ATP8A2: variants seen among roughly 807,000 people sequenced by gnomAD.
The protein encoded by ATP8A2 is phospholipid-transporting ATPase IB.
In ATP8A2, 100 loss-of-function variants were observed where a neutral mutation model predicts 165.6. The observed-to-expected ratio is 0.60, with a 90% CI of 0.51 to 0.71. The LOEUF (loss-of-function observed/expected upper bound fraction) is 0.71, where lower values mean the gene tolerates loss of function less well. ATP8A2 is among the 30% of genes least tolerant of loss of function. ATP8A2 has a pLI of 0.00. For missense variants in ATP8A2, 1,227 were observed against 1,479.5 expected, an observed-to-expected ratio of 0.83 and a Z score of 2.80; for synonymous variants, 543 against 548.8, an observed-to-expected ratio of 0.99 and a Z score of 0.15.
rs150947348 is a variant in ATP8A2, at chr13:25,382,985, G to A, written c.76+10697G>A. On this transcript the variant is annotated intron_variant, in intron 1 of 36. Transcript: ENST00000381655. ...TTAGCCAGGATGGTCTCCATCTCCT[G>A]ACTTCGTGATCTGCCCACCTTGGCC... Among the ~76,000 whole-genome samples, 1,351 of 148,096 alleles carry A rather than the reference G, an allele frequency of 9.1e-3. 26 individuals carry two copies. The highest frequency in any genetic ancestry group is 0.032 in the African/African-American group (1,290 of 39,996).
At chr13:25,693,316 A>T (rs1232168878) in intron 24 of ATP8A2, among the ~76,000 whole-genome samples, 2 of 152,188 alleles carry the variant, frequency 1.3e-5, no homozygotes, top group Admixed American at 6.5e-5. Flanking sequence ...CACAGAAGGG[A>T]CCTATGTTCC....
At chr13:25,639,235 C>G (rs1411041080) in intron 24 of ATP8A2, among the ~76,000 whole-genome samples, 1 of 152,172 alleles carries the variant, frequency 6.6e-6, no homozygotes, top group African/African-American at 2.4e-5. Flanking sequence ...ATGACAGGAT[C>G]AAATTCACAC....
chr13:25,557,388 C>A (rs1191457836), intron 13 of ATP8A2, among the ~76,000 whole-genome samples: 1 of 151,948 alleles, frequency 6.6e-6, no homozygotes, highest in Non-Finnish European at 1.5e-5. Context: ...TTCTCTCATT[C>A]TAGAATGGCT....
At chr13:25,576,679 A>G (rs922622042) in intron 19 of ATP8A2, among the ~76,000 whole-genome samples, 14 of 152,306 alleles carry the variant, frequency 9.2e-5, no homozygotes, top group African/African-American at 3.1e-4. Context: ...AAGTGGATCT[A>G]TACTGAGTCT....
chr13:25,898,439 G>C (rs1005824454), intron 33 of ATP8A2, among the ~76,000 whole-genome samples: 1 of 152,218 alleles, frequency 6.6e-6, no homozygotes, highest in Non-Finnish European at 1.5e-5. Flanking sequence ...CGCCCCTACT[G>C]GGGGGTGCCT....
intron 1 of ATP8A2, among the ~76,000 whole-genome samples, chr13:25,459,671 T>C (rs1322956135): frequency 6.6e-6 from 1 of 152,022 alleles, no homozygotes; most frequent in Non-Finnish European, 1.5e-5. Context: ...GATGCCTGAG[T>C]GACAGGAAGA....
At chr13:25,851,591 A>G (rs1593448556) in intron 30 of ATP8A2, among the ~76,000 whole-genome samples, 1 of 152,138 alleles carries the variant, frequency 6.6e-6, no homozygotes, top group African/African-American at 2.4e-5. Flanking sequence ...TCAAAAAAAA[A>G]AAAAAAATTA....
chr13:25,925,347 ACAT>A lies in ATP8A2; in HGVS notation c.3184-36227_3184-36225del, dbSNP rs540659792. ...CAGGAGATCGAGACCATCCTGGCTA[ACAT>A]GGTGAAACCCCATCTCTACTAAAAA... is the stretch of plus-strand genomic sequence containing the variant. On this transcript the variant is annotated intron_variant, in intron 33 of 36. Coordinates refer to ENST00000381655, the MANE Select transcript of ATP8A2 (RefSeq NM_016529.6). Among the ~76,000 whole-genome samples the A allele has an allele frequency of 2.0e-5, 3 of 152,246 alleles. No homozygotes were observed. The South Asian group carries it at 6.2e-4, about 32-fold the overall frequency.
intron 26 of ATP8A2, among the ~76,000 whole-genome samples, chr13:25,770,453 A>T (rs1404470703): frequency 6.6e-6 from 1 of 152,136 alleles, no homozygotes; most frequent in Non-Finnish European, 1.5e-5. Context: ...TCCCTGACTG[A>T]TCAGCATTCC....
At chr13:25,394,732 TCCCCTATCTGG>T (rs1312404696) in intron 1 of ATP8A2, among the ~76,000 whole-genome samples, 1 of 152,160 alleles carries the variant, frequency 6.6e-6, no homozygotes, top group Non-Finnish European at 1.5e-5. Flanking sequence ...TTACTGTCCT[TCCCCTATCTGG>T]CTAAAAACAG....
Position 25,861,964 on chromosome 13 carries a change from T to A in ATP8A2, c.3076-337T>A, listed in dbSNP as rs7325587. Among the ~76,000 whole-genome samples the A allele has an allele frequency of 4.7e-3, 716 of 152,308 alleles. 4 individuals are homozygous for A. The highest frequency in any genetic ancestry group is 0.016 in the African/African-American group (680 of 41,560). ...GCCACTCTGTTACCAGATTAATGAGTCCTTGTTGTATACAGCCGCAGGTTG... is the reference window on the plus strand; with the variant it reads ...GCCACTCTGTTACCAGATTAATGAGACCTTGTTGTATACAGCCGCAGGTTG... On this transcript the variant is annotated intron_variant, in intron 32 of 36. Coordinates refer to ENST00000381655, the MANE Select transcript of ATP8A2 (RefSeq NM_016529.6).
intron 33 of ATP8A2, among the ~76,000 whole-genome samples, chr13:25,916,023 T>C (rs1954258983): frequency 1.3e-5 from 2 of 152,250 alleles, no homozygotes; most frequent in African/African-American, 4.8e-5. Context: ...TAGTGCAGTC[T>C]CAATCCTATT....
At chr13:25,545,362 T>C (rs1026891248) in intron 10 of ATP8A2, among the ~76,000 whole-genome samples, 5 of 152,140 alleles carry the variant, frequency 3.3e-5, no homozygotes, top group Non-Finnish European at 7.3e-5. Flanking sequence ...AAGTTTATTG[T>C]TTCTGAGCGG....
At chr13:25,684,670 A>G (rs2042564238) in intron 24 of ATP8A2, among the ~76,000 whole-genome samples, 1 of 152,216 alleles carries the variant, frequency 6.6e-6, no homozygotes, top group Non-Finnish European at 1.5e-5. Context: ...CCTCCTCTCC[A>G]AGAAAATCTA....
At chr13:25,872,830 A>G (rs1289420597) in intron 33 of ATP8A2, among the ~76,000 whole-genome samples, 5 of 152,196 alleles carry the variant, frequency 3.3e-5, no homozygotes, top group African/African-American at 1.2e-4. Context: ...ATTTAGCTCA[A>G]TATTTCCAAA....
At chr13:25,608,537 A>T (rs1270772546) in intron 24 of ATP8A2, among the ~76,000 whole-genome samples, 1 of 152,184 alleles carries the variant, frequency 6.6e-6, no homozygotes, top group Non-Finnish European at 1.5e-5. Flanking sequence ...TAAGGTGCTA[A>T]GTATATATGG....
At chr13:25,468,645 C>A (rs570717065) in intron 1 of ATP8A2, among the ~76,000 whole-genome samples, 2 of 152,232 alleles carry the variant, frequency 1.3e-5, no homozygotes, top group East Asian at 1.9e-4. Flanking sequence ...CACCCCGGCC[C>A]GACAAGCAGC....
intron 33 of ATP8A2, chr13:25,926,990 T>G (rs1954624595): frequency 2.7e-6 from 1 of 374,850 alleles, no homozygotes; most frequent in South Asian, 2.0e-5. Flanking sequence ...CAAGGCACTT[T>G]CCCTGCATCC....
intron 25 of ATP8A2, among the ~76,000 whole-genome samples, chr13:25,759,287 C>A (rs1300305128): frequency 6.6e-6 from 1 of 152,118 alleles, no homozygotes; most frequent in African/African-American, 2.4e-5. Context: ...GGGTGAAGGG[C>A]AGACCTAATT....
Sources: gnomAD v4.1 joint callset for allele counts (sites outside exome capture counted in the v4.1 genomes callset) on GRCh38, gnomAD v4.1.1 for gene constraint, MANE v1.5 for transcripts, NCBI Gene and HGNC (gene_info 2026-07-23, HGNC 2026-07-21) for gene names.